Variants in NOL4 observed in about 807,000 individuals in gnomAD.
The protein encoded by NOL4 is nucleolar protein 4, also known as cancer/testis antigen 125.
A neutral mutation model predicts 75.9 loss-of-function variants in NOL4; 17 were observed. That is an observed-to-expected ratio of 0.22 (90% confidence interval 0.15 to 0.34). The LOEUF (loss-of-function observed/expected upper bound fraction) is 0.34. Ranked by LOEUF, NOL4 falls within the 10% of genes least tolerant of loss-of-function variation. The pLI, the probability that NOL4 is intolerant of heterozygous loss-of-function variation, is 1.00. For missense variants in NOL4, 614 were observed against 793.5 expected (o/e 0.77, Z 2.72); for synonymous variants, 292 against 289.9 (o/e 1.01, Z -0.07).
At chr18:34,154,886 A>T (rs1226162031) in intron 1 of NOL4, among the ~76,000 whole-genome samples, 1 of 151,944 alleles carries the variant, frequency 6.6e-6, no homozygotes, top group African/African-American at 2.4e-5. Context: ...AATTTCTCTG[A>T]TGACTACTGA....
intron 10 of NOL4, among the ~76,000 whole-genome samples, chr18:33,872,367 C>T (rs947170094): frequency 8.6e-5 from 13 of 151,866 alleles, no homozygotes; most frequent in African/African-American, 1.2e-4. Context: ...CTTAACATGA[C>T]CGGATGTTAT....
At chr18:34,023,017 T>C (rs781338538) in intron 5 of NOL4, among the ~76,000 whole-genome samples, 1 of 152,174 alleles carries the variant, frequency 6.6e-6, no homozygotes, top group Non-Finnish European at 1.5e-5. Context: ...TCACTCCAGA[T>C]GTTACCAAGG....
chr18:33,887,769 A>G (rs1230058810), intron 9 of NOL4, among the ~76,000 whole-genome samples: 2 of 152,144 alleles, frequency 1.3e-5, no homozygotes. Context: ...TTATGGCTGC[A>G]TAGTATTCCA....
rs61743857 is a variant in NOL4, at chr18:34,224,672, T to C, written c.-1419A>G. The C allele has an allele frequency of 0.024, 3,630 of 152,420 alleles. 76 individuals carry two copies. Among genetic ancestry groups the C allele is most frequent in the Non-Finnish European group, 0.034 (2,304 of 68,078 alleles). The allele number at this position is 152,420 out of a possible 1,614,324, so 9.4% of individuals were successfully genotyped here. ...CTTCCCTCGTCGTCGTCTCCCAGACTAAATCCCGGAAAGGGAAAGCGGGAT... is the reference window on the plus strand; with the variant it reads ...CTTCCCTCGTCGTCGTCTCCCAGACCAAATCCCGGAAAGGGAAAGCGGGAT... On this transcript the variant is annotated 5_prime_UTR_variant, in exon 1 of 11. Transcript: ENST00000261592.
In NOL4 at chr18:34,038,130, A is replaced by G. The variant is rs189622531; in HGVS notation, c.773-18529T>C. The stretch of plus-strand genomic sequence containing the variant: ...GAAGACATACAAATGGTTAATAGGT[A>G]TATGAAAAAATGCTCAACATCAGTA... On this transcript the variant is annotated intron_variant, in intron 5 of 10. Coordinates refer to ENST00000261592, the MANE Select transcript of NOL4 (RefSeq NM_003787.5). Among the ~76,000 whole-genome samples, 17 of 152,294 alleles carry G rather than the reference A, an allele frequency of 1.1e-4. No homozygotes were observed. In the East Asian group the frequency reaches 1.9e-3, roughly 17 times the overall value.
chr18:33,969,216 G>A (rs772802690), intron 6 of NOL4, among the ~76,000 whole-genome samples: 4 of 151,786 alleles, frequency 2.6e-5, no homozygotes, highest in Admixed American at 2.0e-4. Context: ...AAATCTTCTC[G>A]CAATATGATA....
intron 5 of NOL4, among the ~76,000 whole-genome samples, chr18:34,071,500 T>A (rs2077517947): frequency 6.6e-6 from 1 of 151,738 alleles, no homozygotes; most frequent in Non-Finnish European, 1.5e-5. Context: ...TGGTTCAGTT[T>A]ATAATGTTTT....
At chr18:33,872,527 A>G (rs557462380) in intron 10 of NOL4, among the ~76,000 whole-genome samples, 1 of 152,168 alleles carries the variant, frequency 6.6e-6, no homozygotes, top group Admixed American at 6.6e-5. Context: ...TGGAATAGAC[A>G]TAGAAAAGGT....
At chr18:34,198,457 T>C (rs936818898) in intron 1 of NOL4, among the ~76,000 whole-genome samples, 1 of 151,906 alleles carries the variant, frequency 6.6e-6, no homozygotes, top group Non-Finnish European at 1.5e-5. Context: ...AGATGAATTA[T>C]TTTTCAGTGT....
intron 6 of NOL4, among the ~76,000 whole-genome samples, chr18:33,991,379 G>T (rs1312319054): frequency 6.6e-6 from 1 of 151,918 alleles, no homozygotes; most frequent in African/African-American, 2.4e-5. Context: ...AAAATATAAT[G>T]GTAGAAATAA....
chr18:34,064,770 T>A (rs1307307487), intron 5 of NOL4, among the ~76,000 whole-genome samples: 1 of 151,914 alleles, frequency 6.6e-6, no homozygotes, highest in Non-Finnish European at 1.5e-5. Context: ...TTATGTATGA[T>A]TAGTATCCCC....
At chr18:34,155,083 G>C (rs964666436) in intron 1 of NOL4, among the ~76,000 whole-genome samples, 2 of 151,496 alleles carry the variant, frequency 1.3e-5, no homozygotes, top group Non-Finnish European at 2.9e-5. Flanking sequence ...TTGAATTTTT[G>C]AATGAAAGGA....
Position 34,142,147 on chromosome 18 carries a change from G to A in NOL4, c.265-12127C>T, listed in dbSNP as rs183954802. Among the ~76,000 whole-genome samples the A allele has an allele frequency of 3.1e-3, 468 of 152,300 alleles. 1 individual carries two copies. Among genetic ancestry groups the A allele is most frequent in the African/African-American group, 0.011 (446 of 41,566 alleles). On this transcript the variant is annotated intron_variant, in intron 1 of 10. Transcript: ENST00000261592. The stretch of plus-strand genomic sequence containing the variant: ...CACAATGAGATACCATCTCAGACCA[G>A]TTAGAATGGTGATCATTAAAAAGTC...
chr18:34,194,751 G>A (rs542763264), intron 1 of NOL4, among the ~76,000 whole-genome samples: 1 of 152,200 alleles, frequency 6.6e-6, no homozygotes, highest in Admixed American at 6.5e-5. Context: ...TAGGCTGGGT[G>A]CGGTGGCTCA....
chr18:34,152,178 C>T (rs1010934627), intron 1 of NOL4, among the ~76,000 whole-genome samples: 2 of 151,646 alleles, frequency 1.3e-5, no homozygotes, highest in African/African-American at 2.4e-5. Context: ...AAGAAATCTT[C>T]CATTATAAAA....
At chr18:34,056,907 G>A (rs1212126792) in intron 5 of NOL4, among the ~76,000 whole-genome samples, 8 of 152,266 alleles carry the variant, frequency 5.3e-5, no homozygotes, top group Non-Finnish European at 1.2e-4. Flanking sequence ...ATCACTTTCT[G>A]TTAGTTTAGT....
chr18:34,221,581 A>G (rs2146645116), intron 1 of NOL4: 1 of 150,034 alleles, frequency 6.7e-6, no homozygotes, highest in Admixed American at 6.7e-5. Context: ...ACTCTTAGAA[A>G]TCTCCCAACA....
At chr18:34,083,087 GCTCT>G (rs5823936) in intron 5 of NOL4, among the ~76,000 whole-genome samples, 6 of 151,442 alleles carry the variant, frequency 4.0e-5, no homozygotes, top group African/African-American at 1.2e-4. Flanking sequence ...GCTAAATTTT[GCTCT>G]CTCTCTCTGT....
chr18:34,038,169 T>C (rs2075992714), intron 5 of NOL4, among the ~76,000 whole-genome samples: 1 of 151,972 alleles, frequency 6.6e-6, no homozygotes, highest in African/African-American at 2.4e-5. Flanking sequence ...ATCAGGGAAA[T>C]GCAAATCAAA....
Sources: allele counts gnomAD v4.1 joint callset (sites outside exome capture counted in the v4.1 genomes callset), GRCh38; gene constraint gnomAD v4.1.1; transcripts MANE v1.5; gene names NCBI Gene and HGNC (gene_info 2026-07-23, HGNC 2026-07-21).